ABCA13: variants seen among roughly 807,000 people sequenced by gnomAD.
ABCA13 encodes the protein ATP-binding cassette sub-family A member 13.
A neutral mutation model predicts 478.7 loss-of-function variants in ABCA13; 476 were observed. The observed-to-expected ratio is 0.99, with a 90% CI of 0.92 to 1.07. The LOEUF (loss-of-function observed/expected upper bound fraction) is 1.07. ABCA13 is among the 50% of genes least tolerant of loss of function. The pLI is 0.00. For synonymous variants in ABCA13, 2,252 were observed against 2,158.9 expected (o/e 1.04, Z -1.20); for missense variants, 6,060 against 5,910.6 (o/e 1.03, Z -0.83).
chr7:48,260,865 C>A (rs1367071418), intron 15 of ABCA13, among the ~76,000 whole-genome samples: 2 of 151,892 alleles, frequency 1.3e-5, no homozygotes, highest in East Asian at 3.9e-4. Context: ...TGTGTTGGAA[C>A]TTGTTTCCTG....
At position 48,410,929 on chromosome 7, in the gene ABCA13, G is replaced by A. The variant is rs115517232; in HGVS notation, c.12228+252G>A. ...TGATAGATAACAGGAGCTGCTGTGA[G>A]TGTCAGGGCCAGGAAGTATATGACC... On this transcript the variant is annotated intron_variant, in intron 40 of 61. Transcript: ENST00000435803. 8.2e-3 allele frequency among the ~76,000 whole-genome samples: 1,243 copies of A among 152,256 alleles called. 20 individuals are homozygous for A. Among genetic ancestry groups the A allele is most frequent in the African/African-American group, 0.028 (1,173 of 41,516 alleles).
chr7:48,438,884 G>GTTTTGTTTT (rs377348909), intron 42 of ABCA13, among the ~76,000 whole-genome samples: 2,544 of 139,372 alleles, frequency 0.018, 82 homozygotes, highest in African/African-American at 0.062. Context: ...TTTTGCTAAG[G>GTTTTGTTTT]TTTTTTTTTT....
At chr7:48,583,376 G>T (rs1375535343) in intron 56 of ABCA13, among the ~76,000 whole-genome samples, 1 of 152,092 alleles carries the variant, frequency 6.6e-6, no homozygotes, top group Non-Finnish European at 1.5e-5. Flanking sequence ...CCTACTTTAC[G>T]ACTCATTTTG....
intron 54 of ABCA13, among the ~76,000 whole-genome samples, chr7:48,527,266 A>G (rs1047790019): frequency 6.6e-6 from 1 of 152,020 alleles, no homozygotes; most frequent in Non-Finnish European, 1.5e-5. Context: ...GAAAGCGGGG[A>G]AAACATGGTA....
In ABCA13 at chr7:48,285,535, C is replaced by A. The variant is rs571764667; in HGVS notation, c.8837-2425C>A. 7.9e-5 allele frequency among the ~76,000 whole-genome samples: 12 copies of A among 152,304 alleles called. No individual in the cohort carries two copies. In the South Asian group the frequency reaches 2.5e-3, roughly 32 times the overall value. On this transcript the variant is annotated intron_variant, in intron 19 of 61. Coordinates refer to ENST00000435803, the MANE Select transcript of ABCA13 (RefSeq NM_152701.5). Reference sequence around the variant, plus strand: ...CATGGAGGCCAGATGGCCTGACAGCCCAGCACTGCATCCCATGATCATATC... The same window carrying A: ...CATGGAGGCCAGATGGCCTGACAGCACAGCACTGCATCCCATGATCATATC...
At chr7:48,554,752 G>T (rs1785622776) in intron 55 of ABCA13, among the ~76,000 whole-genome samples, 1 of 151,104 alleles carries the variant, frequency 6.6e-6, no homozygotes, top group African/African-American at 2.4e-5. Flanking sequence ...TCAAATATAA[G>T]ATAATATTAT....
intron 42 of ABCA13, among the ~76,000 whole-genome samples, chr7:48,431,153 A>G (rs1273102299): frequency 6.6e-6 from 1 of 151,822 alleles, no homozygotes; most frequent in Non-Finnish European, 1.5e-5. Context: ...CCCTTTTGTT[A>G]TTAAAGTCCC....
intron 48 of ABCA13, among the ~76,000 whole-genome samples, chr7:48,496,778 T>A (rs1281703366): frequency 6.6e-6 from 1 of 152,182 alleles, no homozygotes; most frequent in Non-Finnish European, 1.5e-5. Flanking sequence ...TTGGCTTCCA[T>A]GGTTTCAAAT....
chr7:48,240,456 C>G (rs913350455), intron 9 of ABCA13, among the ~76,000 whole-genome samples: 1 of 152,212 alleles, frequency 6.6e-6, no homozygotes, highest in South Asian at 2.1e-4. Context: ...ATCATCCTCA[C>G]CATGTCCGTG....
intron 39 of ABCA13, among the ~76,000 whole-genome samples, chr7:48,406,428 T>C (rs1318219927): frequency 6.6e-6 from 1 of 152,200 alleles, no homozygotes; most frequent in African/African-American, 2.4e-5. Context: ...CAGTTCTGTA[T>C]ATACCATGTG....
chr7:48,297,873 C>G (rs1419289747), intron 22 of ABCA13, among the ~76,000 whole-genome samples: 1 of 150,848 alleles, frequency 6.6e-6, no homozygotes, highest in Admixed American at 6.6e-5. Context: ...CTCCTGGGTT[C>G]AAGCGATTCT....
In ABCA13 at chr7:48,295,662, T is replaced by C. The variant is rs755354225; in HGVS notation, c.8956-38T>C. ...TAAATCAAAATCTTACAGATAAGTATGTGTGCTTCTAACCTATATCATTGC... is the reference window on the plus strand; with the variant it reads ...TAAATCAAAATCTTACAGATAAGTACGTGTGCTTCTAACCTATATCATTGC... On this transcript the variant is annotated intron_variant, in intron 20 of 61. Coordinates refer to ENST00000435803, the MANE Select transcript of ABCA13 (RefSeq NM_152701.5). The C allele has an allele frequency of 6.2e-6, 10 of 1,609,036 alleles. No individual in the cohort carries two copies. The East Asian group carries it at 2.0e-4, about 32-fold the overall frequency.
rs1818871780 is a variant in ABCA13 at position 48,410,556 on chromosome 7, A to C, written c.12107A>C (p.Glu4036Ala). The C allele has an allele frequency of 6.2e-7, 1 of 1,613,914 alleles. No homozygotes were observed. The highest frequency in any genetic ancestry group is 1.1e-5 in the South Asian group (1 of 91,092). Reference protein sequence around the residue: ...TIIFTTHHLDEAEALSDRVAV... With the variant: ...TIIFTTHHLDAAEALSDRVAV... ...ATCTTCACAACCCACCACCTGGATG[A>C]AGCTGAAGCGCTGAGTGACCGCGTG... Residue 4036 changes from glutamate (E) to alanine (A), a missense_variant, in exon 40 of 62, where the codon GAA (glutamate) becomes GCA (alanine). Coordinates refer to ENST00000435803, the MANE Select transcript of ABCA13 (RefSeq NM_152701.5).
intron 27 of ABCA13, among the ~76,000 whole-genome samples, chr7:48,334,633 C>T (rs2128941685): frequency 6.6e-6 from 1 of 152,312 alleles, no homozygotes; most frequent in East Asian, 1.9e-4. Context: ...GCACGCCCGG[C>T]CTCTATCCCT....
At chr7:48,183,852 ATGT>A (rs761256650) in intron 1 of ABCA13, among the ~76,000 whole-genome samples, 19 of 152,266 alleles carry the variant, frequency 1.2e-4, no homozygotes, top group Middle Eastern at 3.4e-3. Context: ...TTCGCAAGTA[ATGT>A]TGTGTAAACA....
At chr7:48,452,535 T>A (rs1825169366) in intron 42 of ABCA13, among the ~76,000 whole-genome samples, 1 of 152,238 alleles carries the variant, frequency 6.6e-6, no homozygotes, top group Non-Finnish European at 1.5e-5. Context: ...TTTAGTCATG[T>A]CAGTTTTGTA....
At chr7:48,269,310 A>G (rs1171803316) in intron 16 of ABCA13, among the ~76,000 whole-genome samples, 2 of 152,218 alleles carry the variant, frequency 1.3e-5, no homozygotes, top group African/African-American at 4.8e-5. Context: ...ATGGATTTTG[A>G]AAGGAAATAC....
intron 8 of ABCA13, among the ~76,000 whole-genome samples, chr7:48,237,013 T>G (rs7793939): frequency 0.18 from 6,212 of 34,674 alleles, 229 homozygotes; most frequent in African/African-American, 0.33. Context: ...GAGGGTAGGG[T>G]TTTTTTTTTT....
intron 5 of ABCA13, among the ~76,000 whole-genome samples, chr7:48,226,862 A>G (rs569672277): frequency 7.2e-5 from 11 of 152,264 alleles, no homozygotes; most frequent in Admixed American, 1.3e-4. Context: ...TTTTTTGTTC[A>G]TATTTGAATT....
Sources: gnomAD v4.1 joint callset for allele counts (sites outside exome capture counted in the v4.1 genomes callset) on GRCh38, gnomAD v4.1.1 for gene constraint, MANE v1.5 for transcripts, NCBI Gene and HGNC (gene_info 2026-07-23, HGNC 2026-07-21) for gene names.